The following CTPS2 variants were observed in gnomAD, a reference collection of about 807,000 sequenced individuals.
The protein encoded by CTPS2 is CTP synthase 2.
Under a neutral mutation model 46.8 loss-of-function variants are expected in CTPS2, and 19 were observed. The observed-to-expected ratio is 0.41, with a 90% CI of 0.28 to 0.60. The LOEUF is 0.60. Ranked by LOEUF, CTPS2 falls within the 20% of genes least tolerant of loss-of-function variation. CTPS2 has a pLI of 0.35. For missense variants in CTPS2, 286 were observed against 447.6 expected (o/e 0.64, Z 3.26); for synonymous variants, 151 against 165.2 (o/e 0.91, Z 0.66).
chrX:16,606,119 G>C (rs1449092097), intron 17 of CTPS2, among the ~76,000 whole-genome samples: 1 of 112,543 alleles, frequency 8.9e-6, no homozygotes, highest in South Asian at 3.7e-4. Flanking sequence ...CAAAGGCAAG[G>C]ATTTTTACAC....
chrX:16,654,171 T>C (rs1211096270), intron 13 of CTPS2, among the ~76,000 whole-genome samples: 1 of 112,588 alleles, frequency 8.9e-6, no homozygotes, highest in African/African-American at 3.2e-5. Flanking sequence ...ACGCATTGTA[T>C]TAAAATAACA....
At chrX:16,616,245 G>A (rs779643542) in intron 16 of CTPS2, among the ~76,000 whole-genome samples, 2 of 112,102 alleles carry the variant, frequency 1.8e-5, no homozygotes, top group South Asian at 3.7e-4. Flanking sequence ...ATGTGCTCAC[G>A]GGTGTTCCAG....
intron 13 of CTPS2, among the ~76,000 whole-genome samples, chrX:16,661,967 T>C (rs756011130): frequency 9.5e-6 from 1 of 105,314 alleles, no homozygotes; most frequent in South Asian, 4.2e-4. Flanking sequence ...TTCACATGCC[T>C]ACACATTAGA....
intron 1 of CTPS2, among the ~76,000 whole-genome samples, chrX:16,709,122 T>TA (rs1439128811): frequency 3.7e-4 from 40 of 106,749 alleles, no homozygotes; most frequent in Non-Finnish European, 6.4e-4. Context: ...AAAAAAAAGT[T>TA]AAAAAAAAAG....
chrX:16,631,524 T>C (rs962946456), intron 14 of CTPS2, among the ~76,000 whole-genome samples: 1 of 110,823 alleles, frequency 9.0e-6, no homozygotes, highest in Non-Finnish European at 1.9e-5. Context: ...GTCTCTAAAA[T>C]AAAGAAATAA....
intron 8 of CTPS2, among the ~76,000 whole-genome samples, chrX:16,688,684 G>A (rs943919290): frequency 9.0e-6 from 1 of 111,398 alleles, no homozygotes; most frequent in African/African-American, 3.3e-5. Flanking sequence ...ATGAATGCAG[G>A]ATGAAACAAA....
chrX:16,711,577 G>A (rs886715257), intron 1 of CTPS2: 1 of 110,908 alleles, frequency 9.0e-6, no homozygotes, highest in African/African-American at 3.3e-5. Context: ...AATCAGAACC[G>A]GGGTTGAGTG....
chrX:16,677,136 G>T (rs1054273437), intron 10 of CTPS2, among the ~76,000 whole-genome samples: 1 of 109,443 alleles, frequency 9.1e-6, no homozygotes, highest in East Asian at 2.9e-4. Context: ...GGCATGTATT[G>T]AAATCAGCTA....
At chrX:16,709,186 G>C (rs1602304339) in intron 1 of CTPS2, among the ~76,000 whole-genome samples, 1 of 111,608 alleles carries the variant, frequency 9.0e-6, no homozygotes, top group East Asian at 2.8e-4. Context: ...CCAGCACTTT[G>C]GGAGGCCAAG....
intron 1 of CTPS2, among the ~76,000 whole-genome samples, chrX:16,705,419 G>A (rs1410131775): frequency 2.7e-5 from 3 of 111,485 alleles, no homozygotes; most frequent in Non-Finnish European, 5.6e-5. Context: ...AGAGGCTGTG[G>A]ACTTGCGTGC....
intron 4 of CTPS2, among the ~76,000 whole-genome samples, chrX:16,694,556 G>C (rs548903928): frequency 1.8e-5 from 2 of 112,547 alleles, no homozygotes; most frequent in East Asian, 2.8e-4. Flanking sequence ...TACCCCACTA[G>C]ACTGTAAGCC....
intron 13 of CTPS2, among the ~76,000 whole-genome samples, chrX:16,661,993 C>CATATATATATATATATAT (rs5901592): frequency 5.6e-4 from 48 of 85,335 alleles, no homozygotes; most frequent in African/African-American, 1.9e-3. Context: ...ATTGTTCATT[C>CATATATATATATATATAT]ATATATATAT....
chrX:16,678,700 T>C (rs1052546504), intron 9 of CTPS2, among the ~76,000 whole-genome samples: 2 of 110,368 alleles, frequency 1.8e-5, no homozygotes, highest in African/African-American at 6.6e-5. Context: ...AAGAGAACGA[T>C]GCAGAAGTAA....
intron 13 of CTPS2, 131 bp from the exon 14 acceptor site, chrX:16,639,374 C>A: frequency 1.9e-6 from 1 of 530,193 alleles, no homozygotes; most frequent in Admixed American, 2.7e-5. Flanking sequence ...ATCAGTCTTT[C>A]CAACGATCAT....
chrX:16,685,730 G>C (rs1463859569), intron 8 of CTPS2, among the ~76,000 whole-genome samples: 1 of 107,517 alleles, frequency 9.3e-6, no homozygotes, highest in African/African-American at 3.4e-5. Flanking sequence ...AGCCGGGCGT[G>C]GTGGTGGGCG....
intron 9 of CTPS2, among the ~76,000 whole-genome samples, chrX:16,678,728 G>A (rs1922485304): frequency 9.0e-6 from 1 of 110,583 alleles, no homozygotes; most frequent in South Asian, 3.9e-4. Flanking sequence ...TCAACCGCGT[G>A]GGGTGGCACG....
chrX:16,642,440 A>T (rs1932125648), intron 13 of CTPS2, among the ~76,000 whole-genome samples: 1 of 111,815 alleles, frequency 8.9e-6, no homozygotes, highest in African/African-American at 3.2e-5. Flanking sequence ...TGATGGAGGG[A>T]GGGAACAGGA....
intron 2 of CTPS2, among the ~76,000 whole-genome samples, chrX:16,699,976 A>G (rs1217481093): frequency 9.3e-6 from 1 of 107,170 alleles, no homozygotes; most frequent in East Asian, 2.9e-4. Context: ...GCTGTCAACC[A>G]GGCTGGAGTG....
chrX:16,699,676 C>T (rs1226643242), intron 2 of CTPS2, among the ~76,000 whole-genome samples: 1 of 112,455 alleles, frequency 8.9e-6, no homozygotes, highest in African/African-American at 3.2e-5. Context: ...TCTATTGTCA[C>T]TTCAGGGCAT....
Sources: allele counts gnomAD v4.1 joint callset (sites outside exome capture counted in the v4.1 genomes callset), GRCh38; gene constraint gnomAD v4.1.1; transcripts MANE v1.5; gene names NCBI Gene and HGNC (gene_info 2026-07-23, HGNC 2026-07-21).